Variants in SPAG16 observed in about 807,000 individuals in gnomAD.
SPAG16 encodes sperm-associated antigen 16 protein.
SPAG16 carries 86 observed loss-of-function variants against 80.4 expected under a neutral mutation model. That is an observed-to-expected ratio of 1.07 (90% CI 0.90 to 1.28). The LOEUF is 1.28. Among genes scored for constraint, SPAG16 ranks in the 50% most tolerant of loss-of-function variants. The pLI is 0.00. For synonymous variants in SPAG16, 294 were observed against 265.9 expected, an observed-to-expected ratio of 1.11 and a Z score of -1.03; for missense variants, 870 against 765.3, an observed-to-expected ratio of 1.14 and a Z score of -1.61.
chr2:213,454,983 T>A (rs1296795837), intron 9 of SPAG16, among the ~76,000 whole-genome samples: 1 of 152,206 alleles, frequency 6.6e-6, no homozygotes, highest in Non-Finnish European at 1.5e-5. Flanking sequence ...GTTATAAACT[T>A]CCAGAGTCAT....
At chr2:213,881,515 G>A (rs1169772639) in intron 11 of SPAG16, among the ~76,000 whole-genome samples, 1 of 152,208 alleles carries the variant, frequency 6.6e-6, no homozygotes, top group Non-Finnish European at 1.5e-5. Flanking sequence ...ATAAAGGAAA[G>A]AGATTTAATT....
intron 15 of SPAG16, among the ~76,000 whole-genome samples, chr2:214,231,330 T>G (rs1030007905): frequency 6.6e-6 from 1 of 152,034 alleles, no homozygotes; most frequent in East Asian, 1.9e-4. Flanking sequence ...TGCATGTCTA[T>G]TATGACATGT....
At chr2:214,281,451 A>T (rs1449313215) in intron 15 of SPAG16, 1 of 178,816 alleles carries the variant, frequency 5.6e-6, no homozygotes, top group Non-Finnish European at 1.2e-5. Context: ...AATGAACCAC[A>T]TCCTGCAGAG....
intron 10 of SPAG16, among the ~76,000 whole-genome samples, chr2:213,659,697 A>AG (rs1426961466): frequency 6.6e-6 from 1 of 152,208 alleles, no homozygotes; most frequent in Non-Finnish European, 1.5e-5. Context: ...TCTCAAAATG[A>AG]GGCAAATTCA....
Position 213,390,997 on chromosome 2 carries a change from C to T in SPAG16, c.942+15878C>T, listed in dbSNP as rs151336243. On this transcript the variant is annotated intron_variant, in intron 9 of 15. Coordinates refer to ENST00000331683, the MANE Select transcript of SPAG16 (RefSeq NM_024532.5). Reference sequence around the variant, plus strand: ...TCTTTAGAAATTATATGGCCAGGCGCGGTGACTCATGCCTGTAATCCCAGC... The same window carrying T: ...TCTTTAGAAATTATATGGCCAGGCGTGGTGACTCATGCCTGTAATCCCAGC... Among the ~76,000 whole-genome samples the T allele has an allele frequency of 4.9e-3, 741 of 152,248 alleles. 5 individuals are homozygous for T. The highest frequency in any genetic ancestry group is 0.017 in the African/African-American group (718 of 41,532).
At chr2:214,296,959 A>G (rs1377781258) in intron 15 of SPAG16, among the ~76,000 whole-genome samples, 2 of 152,198 alleles carry the variant, frequency 1.3e-5, no homozygotes, top group African/African-American at 4.8e-5. Context: ...ACCATGTGGC[A>G]TGCTGGCTCC....
At chr2:213,989,209 C>G (rs2106444819) in intron 12 of SPAG16, among the ~76,000 whole-genome samples, 1 of 152,258 alleles carries the variant, frequency 6.6e-6, no homozygotes, top group African/African-American at 2.4e-5. Flanking sequence ...GGCCCTGACT[C>G]TGTAGCTTGG....
rs80252062 is a variant in SPAG16, at chr2:214,062,162, G to A, written c.1528-46034G>A. ...GGGCCAGGCAGAGTGGCTCATGCCT[G>A]TAATCCCAGCACTTTGGGAGGCCGA... On this transcript the variant is annotated intron_variant, in intron 13 of 15. Coordinates refer to ENST00000331683, the MANE Select transcript of SPAG16 (RefSeq NM_024532.5). 1.8e-4 allele frequency among the ~76,000 whole-genome samples: 28 copies of A among 152,160 alleles called. 1 individual carries two copies. In the East Asian group the frequency reaches 5.0e-3, roughly 27 times the overall value.
intron 10 of SPAG16, among the ~76,000 whole-genome samples, chr2:213,615,165 A>G (rs1185537592): frequency 6.6e-6 from 1 of 152,268 alleles, no homozygotes; most frequent in African/African-American, 2.4e-5. Flanking sequence ...GAGATGATAC[A>G]GACAACAAAC....
intron 15 of SPAG16, among the ~76,000 whole-genome samples, chr2:214,408,089 G>A (rs1479643515): frequency 6.6e-6 from 1 of 152,042 alleles, no homozygotes; most frequent in Non-Finnish European, 1.5e-5. Context: ...TTAATATGAG[G>A]TTCCAATATC....
intron 12 of SPAG16, among the ~76,000 whole-genome samples, chr2:214,004,070 C>A (rs1364278906): frequency 6.6e-6 from 1 of 152,144 alleles, no homozygotes; most frequent in Non-Finnish European, 1.5e-5. Context: ...TCAGGTGACT[C>A]AAATTTTTCA....
intron 10 of SPAG16, among the ~76,000 whole-genome samples, chr2:213,765,197 C>A (rs950686190): frequency 1.3e-5 from 2 of 152,086 alleles, no homozygotes; most frequent in Admixed American, 1.3e-4. Flanking sequence ...GGTGAAACCA[C>A]GTCTATACTA....
chr2:213,765,127 G>A (rs2068863310), intron 10 of SPAG16, among the ~76,000 whole-genome samples: 1 of 152,214 alleles, frequency 6.6e-6, no homozygotes, highest in Non-Finnish European at 1.5e-5. Flanking sequence ...CAGCACTTTG[G>A]GAAGTGCCCG....
At chr2:213,918,149 T>C (rs931507682) in intron 11 of SPAG16, among the ~76,000 whole-genome samples, 1 of 152,196 alleles carries the variant, frequency 6.6e-6, no homozygotes, top group Non-Finnish European at 1.5e-5. Context: ...AGTTTTTTGA[T>C]GTGCTGCTGG....
chr2:214,138,729 A>T (rs116189664), intron 14 of SPAG16, among the ~76,000 whole-genome samples: 343 of 152,266 alleles, frequency 2.3e-3, no homozygotes, highest in African/African-American at 8.0e-3. Context: ...GTATATGCAT[A>T]TTACACATTT....
At chr2:213,676,461 A>G (rs866809310) in intron 10 of SPAG16, among the ~76,000 whole-genome samples, 1,688 of 150,084 alleles carry the variant, frequency 0.011, 34 homozygotes, top group African/African-American at 0.039. Flanking sequence ...GTCTTGTGCC[A>G]GTTTTCAAAG....
chr2:213,619,850 G>T (rs1350245083), intron 10 of SPAG16, among the ~76,000 whole-genome samples: 1 of 152,058 alleles, frequency 6.6e-6, no homozygotes, highest in Non-Finnish European at 1.5e-5. Flanking sequence ...TATTTAACAG[G>T]CATCTGCACC....
chr2:213,673,730 A>G (rs766530490), intron 10 of SPAG16, among the ~76,000 whole-genome samples: 2 of 152,218 alleles, frequency 1.3e-5, no homozygotes, highest in Non-Finnish European at 2.9e-5. Flanking sequence ...GTTACTTTAT[A>G]CATTTTATTA....
chr2:214,188,112 T>TTC (rs1342854191), intron 15 of SPAG16, among the ~76,000 whole-genome samples: 1 of 152,110 alleles, frequency 6.6e-6, no homozygotes, highest in Non-Finnish European at 1.5e-5. Flanking sequence ...GCATATCCAC[T>TTC]TCTCCCTGGA....
Sources: gnomAD v4.1 joint callset for allele counts (sites outside exome capture counted in the v4.1 genomes callset) on GRCh38, gnomAD v4.1.1 for gene constraint, MANE v1.5 for transcripts, NCBI Gene and HGNC (gene_info 2026-07-23, HGNC 2026-07-21) for gene names.